Variants in ACACA observed in about 807,000 individuals in gnomAD.
The protein encoded by ACACA is acetyl-CoA carboxylase 1.
ACACA carries 103 observed loss-of-function variants against 296.1 expected under a neutral mutation model. The ratio of observed to expected loss-of-function variants is 0.35; its 90% CI spans 0.30 to 0.41. The LOEUF (loss-of-function observed/expected upper bound fraction) is 0.41. Among genes scored for constraint, ACACA ranks in the 10% least tolerant of loss-of-function variants. ACACA has a pLI of 1.00. For missense variants in ACACA, 1,554 were observed against 2,989.7 expected (o/e 0.52, Z 11.20); for synonymous variants, 953 against 1,038.6 (o/e 0.92, Z 1.58).
chr17:37,177,452 T>TCCA (rs1224891055), intron 41 of ACACA, among the ~76,000 whole-genome samples: 2 of 152,116 alleles, frequency 1.3e-5, no homozygotes, highest in Non-Finnish European at 2.9e-5. Flanking sequence ...TCCCTGAGTC[T>TCCA]CCATTCGCTC....
At chr17:37,173,579 A>AT (rs1045202222) in intron 41 of ACACA, among the ~76,000 whole-genome samples, 4 of 152,158 alleles carry the variant, frequency 2.6e-5, no homozygotes, top group African/African-American at 9.7e-5. Flanking sequence ...ATGCAGGGGT[A>AT]TTTGTCATAT....
At chr17:37,375,110 C>T (rs1281644864) in intron 1 of ACACA, among the ~76,000 whole-genome samples, 1 of 152,002 alleles carries the variant, frequency 6.6e-6, no homozygotes, top group Non-Finnish European at 1.5e-5. Context: ...AGGAGAATCA[C>T]TTGAACCCAG....
At chr17:37,161,059 G>A (rs971609690) in intron 42 of ACACA, among the ~76,000 whole-genome samples, 1 of 152,188 alleles carries the variant, frequency 6.6e-6, no homozygotes, top group Non-Finnish European at 1.5e-5. Context: ...AATCATCTAT[G>A]TGGATATAGC....
intron 29 of ACACA, among the ~76,000 whole-genome samples, chr17:37,218,147 C>CA (rs60487601): frequency 0.61 from 71,529 of 116,400 alleles, 22,270 homozygotes; most frequent in Middle Eastern, 0.76. Flanking sequence ...CTACCAGTAA[C>CA]AAAAAAAAAA....
At chr17:37,195,372 C>T (rs1312086009) in intron 35 of ACACA, among the ~76,000 whole-genome samples, 1 of 152,032 alleles carries the variant, frequency 6.6e-6, no homozygotes, top group African/African-American at 2.4e-5. Flanking sequence ...AACTGAAAGG[C>T]ATATAAAGCA....
chr17:37,200,577 T>C (rs2078204078), intron 33 of ACACA, 94 bp from the exon 34 acceptor site: 1 of 1,158,198 alleles, frequency 8.6e-7, no homozygotes, highest in Non-Finnish European at 1.3e-6. Context: ...TTGGTGGAGT[T>C]AAACATCCTT....
intron 1 of ACACA, among the ~76,000 whole-genome samples, chr17:37,344,564 AT>A (rs1361648601): frequency 1.3e-5 from 2 of 152,038 alleles, no homozygotes; most frequent in African/African-American, 2.4e-5. Flanking sequence ...TCTCAAAAAA[AT>A]AAATAAAAAT....
At chr17:37,178,539 T>C (rs1270813206) in intron 41 of ACACA, among the ~76,000 whole-genome samples, 2 of 152,230 alleles carry the variant, frequency 1.3e-5, no homozygotes, top group Non-Finnish European at 2.9e-5. Flanking sequence ...CTGGGCACAA[T>C]GGTGCACACC....
At chr17:37,328,919 C>G in intron 3 of ACACA, 1 of 398,630 alleles carries the variant, frequency 2.5e-6, no homozygotes, top group Non-Finnish European at 4.4e-6. Context: ...TCTCCCAAGG[C>G]TCCCCGAGGT....
intron 29 of ACACA, among the ~76,000 whole-genome samples, chr17:37,212,156 CAGGTTTCT>C (rs1335708804): frequency 1.3e-5 from 2 of 152,198 alleles, no homozygotes; most frequent in Non-Finnish European, 2.9e-5. Context: ...TCCATTCATC[CAGGTTTCT>C]AGAGTTTAGA....
At chr17:37,353,764 G>C (rs1188014009) in intron 1 of ACACA, among the ~76,000 whole-genome samples, 1 of 148,282 alleles carries the variant, frequency 6.7e-6, no homozygotes, top group Non-Finnish European at 1.5e-5. Flanking sequence ...TCTTGAGAAA[G>C]ACTCCCCAAA....
At chr17:37,327,108 G>T (rs1168140066) in intron 3 of ACACA, among the ~76,000 whole-genome samples, 1 of 152,122 alleles carries the variant, frequency 6.6e-6, no homozygotes, top group East Asian at 1.9e-4. Context: ...TGAAGGATTA[G>T]GCTATTCGTT....
chr17:37,139,963 G>A (rs2075495267), intron 45 of ACACA, among the ~76,000 whole-genome samples: 2 of 152,144 alleles, frequency 1.3e-5, no homozygotes, highest in Admixed American at 1.3e-4. Context: ...GAGTTTCTTT[G>A]TTAAATTTGA....
In ACACA at chr17:37,086,917, A is replaced by AG. The variant is rs375404463; in HGVS notation, c.*398dup. The AG allele has an allele frequency of 1.3e-3, 392 of 305,274 alleles. 1 individual carries two copies. The highest frequency in any genetic ancestry group is 8.0e-3 in the African/African-American group (375 of 46,620). The allele number at this position is 305,274 out of a possible 1,614,324, so 18.9% of individuals were successfully genotyped here. ...GCTGCGGCTCATGGGGCCAGGAGTG[A>AG]GGGGGGCTGCTCACTGCTGGGCAAC... On this transcript the variant is annotated 3_prime_UTR_variant, in exon 56 of 56. Transcript: ENST00000616317.
intron 3 of ACACA, among the ~76,000 whole-genome samples, chr17:37,317,488 C>T (rs2047152048): frequency 6.6e-6 from 1 of 151,540 alleles, no homozygotes; most frequent in South Asian, 2.1e-4. Context: ...ATCGCTTGAA[C>T]CCGGGAGGCG....
At chr17:37,266,723 C>A (rs1000138900) in intron 10 of ACACA, among the ~76,000 whole-genome samples, 7 of 152,086 alleles carry the variant, frequency 4.6e-5, no homozygotes, top group Admixed American at 2.0e-4. Flanking sequence ...CTTTAGCTTA[C>A]CTCTCTTTTA....
At chr17:37,325,579 C>T (rs371176664) in intron 3 of ACACA, among the ~76,000 whole-genome samples, 18 of 67,924 alleles carry the variant, frequency 2.7e-4, no homozygotes, top group Admixed American at 8.9e-4. Context: ...TCTTTTCTTT[C>T]TTTTTTTTTT....
intron 42 of ACACA, 124 bp from the exon 43 acceptor site, chr17:37,155,904 G>C (rs544440514): frequency 2.8e-6 from 2 of 716,044 alleles, no homozygotes; most frequent in African/African-American, 3.5e-5. Context: ...CACTTCTTAG[G>C]TTTACTGTCT....
intron 11 of ACACA, among the ~76,000 whole-genome samples, chr17:37,261,958 A>G (rs767820966): frequency 1.3e-5 from 2 of 152,122 alleles, no homozygotes; most frequent in Non-Finnish European, 2.9e-5. Context: ...AAAAGCCACA[A>G]TACATATCTA....
Sources: allele counts gnomAD v4.1 joint callset (sites outside exome capture counted in the v4.1 genomes callset), GRCh38; gene constraint gnomAD v4.1.1; transcripts MANE v1.5; gene names NCBI Gene and HGNC (gene_info 2026-07-23, HGNC 2026-07-21).